The following SMARCAL1 variants were observed in gnomAD, a reference collection of about 807,000 sequenced individuals.
The protein encoded by SMARCAL1 is SNF2 related chromatin remodeling annealing helicase 1.
A neutral mutation model predicts 94.5 loss-of-function variants in SMARCAL1; 58 were observed. The observed-to-expected ratio is 0.61, with a 90% CI of 0.50 to 0.76. The LOEUF (loss-of-function observed/expected upper bound fraction) is 0.76. Ranked by LOEUF, SMARCAL1 falls within the 30% of genes least tolerant of loss-of-function variation. The pLI, the probability that SMARCAL1 is intolerant of heterozygous loss-of-function variation, is 0.00. For missense variants in SMARCAL1, 1,051 were observed against 1,177.9 expected (o/e 0.89, Z 1.58); for synonymous variants, 422 against 455.1 (o/e 0.93, Z 0.93).
chr2:216,475,441 G>A lies in SMARCAL1; in HGVS notation c.2417G>A (p.Trp806Ter). 1 of 1,614,164 alleles carries A rather than the reference G, an allele frequency of 6.2e-7. No homozygotes were observed. The highest frequency in any genetic ancestry group is 2.2e-5 in the East Asian group (1 of 44,878). The change falls in exon 15 of 18, where the codon TGG (tryptophan) becomes TAG (stop). Residue 806 changes from tryptophan (W) to a stop codon, truncating the protein, a stop_gained. Transcript: ENST00000357276. LOFTEE classifies it high-confidence loss of function. The surrounding 1 kb of genome is among the most constrained non-coding windows in gnomAD (Gnocchi z 4.4). ...CTGGTGGTGTTTGCTGAGCTGTTTT[G>A]GAACCCAGGGGTAAGAGACGCAGAA... ...ADLVVFAELF[W>*]NPGVLIQAED...
chr2:216,448,660 A>G (rs1245357158), intron 11 of SMARCAL1, among the ~76,000 whole-genome samples: 1 of 152,078 alleles, frequency 6.6e-6, no homozygotes, highest in African/African-American at 2.4e-5. Context: ...GATTGTGACT[A>G]TCCCAAGGTC....
chr2:216,414,401 C>T (rs1366461062), intron 2 of SMARCAL1: 1 of 358,968 alleles, frequency 2.8e-6, no homozygotes. Flanking sequence ...AAGTGATCCA[C>T]CTGCCTCAGC....
chr2:216,458,806 C>T (rs1038620809), intron 12 of SMARCAL1, among the ~76,000 whole-genome samples: 2 of 152,138 alleles, frequency 1.3e-5, no homozygotes, highest in Admixed American at 6.5e-5. Flanking sequence ...CACTCCTATT[C>T]AGCATAGTGT....
chr2:216,433,750 G>T (rs184688667), intron 8 of SMARCAL1, among the ~76,000 whole-genome samples: 34 of 152,224 alleles, frequency 2.2e-4, no homozygotes, highest in African/African-American at 7.9e-4. Context: ...AACAAACTCA[G>T]TGAAGAAGGA....
chr2:216,477,168 T>C lies in SMARCAL1; in HGVS notation c.2487T>C (p.Ile829=). The change falls in exon 16 of 18, where the codon ATT becomes ATC. Residue 829 remains isoleucine, a synonymous_variant. Transcript: ENST00000357276. ...HRIGQTSSVG[I]HYLVAKGTAD... ...TTGGACAGACCAGCTCCGTGGGCAT[T>C]CACTACCTCGTGGCAAAGGGCACAG... 1.3e-6 allele frequency: 2 copies of C among 1,597,982 alleles called. No individual in the cohort carries two copies. The highest frequency in any genetic ancestry group is 1.7e-6 in the Non-Finnish European group (2 of 1,172,374).
At chr2:216,481,297 A>AT (rs1267390626) in intron 17 of SMARCAL1, among the ~76,000 whole-genome samples, 1 of 151,078 alleles carries the variant, frequency 6.6e-6, no homozygotes, top group Non-Finnish European at 1.5e-5. Context: ...GGCTCAAGTG[A>AT]TTCCCCCCAT....
At chr2:216,458,800 C>T (rs1255228418) in intron 12 of SMARCAL1, among the ~76,000 whole-genome samples, 1 of 152,164 alleles carries the variant, frequency 6.6e-6, no homozygotes, top group Non-Finnish European at 1.5e-5. Flanking sequence ...TCTCACCACT[C>T]CTATTCAGCA....
chr2:216,417,116 G>A (rs1018180439), intron 4 of SMARCAL1, among the ~76,000 whole-genome samples: 1 of 152,170 alleles, frequency 6.6e-6, no homozygotes, highest in Non-Finnish European at 1.5e-5. Flanking sequence ...GTATGCTTAG[G>A]TCACTTTGCA....
chr2:216,454,038 C>T (rs1694503761), intron 12 of SMARCAL1, among the ~76,000 whole-genome samples: 1 of 152,174 alleles, frequency 6.6e-6, no homozygotes. Context: ...AGACCAGTAA[C>T]AGAGAAATGG....
At chr2:216,477,311 G>A (rs1026260464) in intron 16 of SMARCAL1, 102 bp downstream of exon 16, 15 of 859,930 alleles carry the variant, frequency 1.7e-5, no homozygotes, top group Admixed American at 1.4e-4. Flanking sequence ...TGCTAAGTAA[G>A]GTCTTTAAGG....
intron 4 of SMARCAL1, among the ~76,000 whole-genome samples, chr2:216,418,797 A>G (rs1693656365): frequency 6.6e-6 from 1 of 152,236 alleles, no homozygotes; most frequent in African/African-American, 2.4e-5. Flanking sequence ...ACTCCAGCAT[A>G]AAGCATATTT....
intron 12 of SMARCAL1, among the ~76,000 whole-genome samples, chr2:216,454,248 G>C (rs777216755): frequency 6.6e-6 from 1 of 152,156 alleles, no homozygotes; most frequent in Non-Finnish European, 1.5e-5. Context: ...TTAATAGAGA[G>C]TATTAGGTCT....
In SMARCAL1 at chr2:216,462,497, C is replaced by T. The variant is rs147774729; in HGVS notation, c.2071-2100C>T. 9.3e-3 allele frequency among the ~76,000 whole-genome samples: 1,420 copies of T among 152,262 alleles called. 25 individuals are homozygous for T. The highest frequency in any genetic ancestry group is 0.032 in the African/African-American group (1,344 of 41,542). On this transcript the variant is annotated intron_variant, in intron 12 of 17. Coordinates refer to ENST00000357276, the MANE Select transcript of SMARCAL1 (RefSeq NM_014140.4). ...ATGAATGGATTTCATGAAGTCTGAG[C>T]TCACTAGCCACAGGTGAAAAGTTGT...
intron 10 of SMARCAL1, among the ~76,000 whole-genome samples, chr2:216,438,735 G>A (rs1191552756): frequency 3.3e-5 from 5 of 152,096 alleles, no homozygotes; most frequent in South Asian, 2.1e-4. Flanking sequence ...TTTGTCTCTC[G>A]AAGGTCAAGA....
intron 14 of SMARCAL1, among the ~76,000 whole-genome samples, chr2:216,474,737 C>G (rs1695035652): frequency 1.3e-5 from 2 of 151,754 alleles, no homozygotes; most frequent in African/African-American, 4.8e-5. Flanking sequence ...GCCTGAGTGA[C>G]AAGAGTGAAA....
rs1041056025 is a variant in SMARCAL1 at position 216,481,177 on chromosome 2, A to AT, written c.2626-1555dup. 2.6e-4 allele frequency among the ~76,000 whole-genome samples: 40 copies of AT among 151,334 alleles called. 1 individual carries two copies. The highest frequency in any genetic ancestry group is 9.5e-4 in the African/African-American group (39 of 40,938). On this transcript the variant is annotated intron_variant, in intron 17 of 17. Transcript: ENST00000357276. Reference sequence around the variant, plus strand: ...AATATAGGAGATGAGAGATCATTTGATTTTTTATATTTATTTATTTATTTA... The same window carrying AT: ...AATATAGGAGATGAGAGATCATTTGATTTTTTTATATTTATTTATTTATTTA...
At chr2:216,477,923 C>T (rs1488603496) in intron 16 of SMARCAL1, among the ~76,000 whole-genome samples, 1 of 152,116 alleles carries the variant, frequency 6.6e-6, no homozygotes, top group Non-Finnish European at 1.5e-5. Flanking sequence ...CATAATACCA[C>T]CAGATTCAAA....
At chr2:216,464,822 C>T (rs1188988188) in intron 13 of SMARCAL1, among the ~76,000 whole-genome samples, 155 bp downstream of exon 13, 3 of 151,756 alleles carry the variant, frequency 2.0e-5, no homozygotes. Flanking sequence ...AAAAATAAAA[C>T]AGATGATCAG....
At chr2:216,481,005 C>G (rs1408591408) in intron 17 of SMARCAL1, among the ~76,000 whole-genome samples, 2 of 151,928 alleles carry the variant, frequency 1.3e-5, no homozygotes, top group Non-Finnish European at 2.9e-5. Flanking sequence ...AAAGATGGTG[C>G]CTGAAGGAGA....
Sources: allele counts gnomAD v4.1 joint callset (sites outside exome capture counted in the v4.1 genomes callset), GRCh38; gene constraint gnomAD v4.1.1; non-coding constraint Gnocchi (gnomAD v3.1); transcripts MANE v1.5; gene names NCBI Gene and HGNC (gene_info 2026-07-23, HGNC 2026-07-21).